ADAMTSL3: variants seen among roughly 807,000 people sequenced by gnomAD.
ADAMTSL3 encodes the protein ADAMTS-like protein 3.
ADAMTSL3 carries 128 observed loss-of-function variants against 201.7 expected under a neutral mutation model. That is an observed-to-expected ratio of 0.63 (90% CI 0.55 to 0.73). ADAMTSL3 has a LOEUF of 0.73. Among genes scored for constraint, ADAMTSL3 ranks in the 30% least tolerant of loss-of-function variants. ADAMTSL3 has a pLI of 0.00. For missense variants in ADAMTSL3, 1,990 were observed against 2,119.6 expected, an observed-to-expected ratio of 0.94 and a Z score of 1.20; for synonymous variants, 738 against 748.4, an observed-to-expected ratio of 0.99 and a Z score of 0.23.
intron 3 of ADAMTSL3, among the ~76,000 whole-genome samples, chr15:83,716,173 T>C (rs985641654): frequency 6.6e-6 from 1 of 152,142 alleles, no homozygotes; most frequent in African/African-American, 2.4e-5. Context: ...GAAATTCTAA[T>C]TAAATTTTTA....
At chr15:83,809,049 T>A (rs887336646) in intron 5 of ADAMTSL3, among the ~76,000 whole-genome samples, 9 of 151,786 alleles carry the variant, frequency 5.9e-5, no homozygotes, top group Admixed American at 5.9e-4. Context: ...GAAGGAAGGA[T>A]GATTTTTGGT....
At chr15:83,772,580 T>A (rs1452610282) in intron 3 of ADAMTSL3, among the ~76,000 whole-genome samples, 2 of 152,244 alleles carry the variant, frequency 1.3e-5, no homozygotes, top group Non-Finnish European at 2.9e-5. Flanking sequence ...TATGTTCATA[T>A]GACTTTGTTT....
chr15:83,660,693 A>G (rs573996783), intron 2 of ADAMTSL3, among the ~76,000 whole-genome samples: 15 of 152,306 alleles, frequency 9.8e-5, no homozygotes, highest in African/African-American at 3.6e-4. Context: ...TTGGTTATTA[A>G]AAGTTCAGTT....
intron 27 of ADAMTSL3, among the ~76,000 whole-genome samples, chr15:84,026,837 G>A (rs936345849): frequency 2.3e-4 from 35 of 152,176 alleles, no homozygotes; most frequent in African/African-American, 7.9e-4. Flanking sequence ...AAAAATATAG[G>A]TGTAAATTTT....
At position 83,905,299 on chromosome 15, in the gene ADAMTSL3, G is replaced by A. The variant is rs957882703; in HGVS notation, c.1700+5568G>A. 3.3e-5 allele frequency among the ~76,000 whole-genome samples: 5 copies of A among 152,214 alleles called. No individual in the cohort carries two copies. The East Asian group carries it at 9.6e-4, about 29-fold the overall frequency. On this transcript the variant is annotated intron_variant, in intron 15 of 29. Coordinates refer to ENST00000286744, the MANE Select transcript of ADAMTSL3 (RefSeq NM_207517.3). The stretch of plus-strand genomic sequence containing the variant: ...ATAATTACGTTATGGTGTTATTCGG[G>A]ATCAGGGATGGTTTCCGGAAATAGA...
At chr15:83,690,520 A>G (rs1006287767) in intron 2 of ADAMTSL3, among the ~76,000 whole-genome samples, 8 of 152,040 alleles carry the variant, frequency 5.3e-5, no homozygotes, top group Admixed American at 2.0e-4. Flanking sequence ...GCTAATTCCT[A>G]CTTGTTCTTT....
At chr15:83,885,051 A>G (rs780196438) in intron 9 of ADAMTSL3, 50 bp from the exon 10 acceptor site, 24 of 1,243,866 alleles carry the variant, frequency 1.9e-5, no homozygotes, top group Admixed American at 3.8e-5. Context: ...AGGTGTGGAA[A>G]GCACTAGCTC....
intron 23 of ADAMTSL3, among the ~76,000 whole-genome samples, chr15:84,009,925 C>A (rs117348941): frequency 1.3e-5 from 2 of 152,188 alleles, no homozygotes; most frequent in African/African-American, 4.8e-5. Flanking sequence ...AGCTTCTTAC[C>A]GTGGAGGAAT....
intron 3 of ADAMTSL3, among the ~76,000 whole-genome samples, chr15:83,759,155 G>C (rs2062767503): frequency 6.6e-6 from 1 of 151,848 alleles, no homozygotes; most frequent in South Asian, 2.1e-4. Flanking sequence ...AAAGTTAAGA[G>C]ACTAGTATAA....
At chr15:83,871,206 A>G (rs932731308) in intron 9 of ADAMTSL3, among the ~76,000 whole-genome samples, 1 of 152,204 alleles carries the variant, frequency 6.6e-6, no homozygotes, top group African/African-American at 2.4e-5. Context: ...CTGTATTTAT[A>G]ATCTCTGGTT....
intron 2 of ADAMTSL3, among the ~76,000 whole-genome samples, chr15:83,661,116 G>A (rs1424662743): frequency 6.9e-6 from 1 of 145,810 alleles, no homozygotes; most frequent in Admixed American, 6.9e-5. Context: ...ATTTCTGAGG[G>A]CTCTGTTCTG....
At chr15:83,943,666 C>G (rs1238910525) in intron 19 of ADAMTSL3, among the ~76,000 whole-genome samples, 1 of 152,220 alleles carries the variant, frequency 6.6e-6, no homozygotes. Flanking sequence ...GCTGCCTAAG[C>G]TCCACAGCTG....
At chr15:83,912,776 A>G (rs1048665109) in intron 15 of ADAMTSL3, among the ~76,000 whole-genome samples, 3 of 152,220 alleles carry the variant, frequency 2.0e-5, no homozygotes, top group African/African-American at 7.2e-5. Flanking sequence ...TGATCTCCAT[A>G]TGATGGTTTA....
rs369910367 is a variant in ADAMTSL3 at position 84,036,759 on chromosome 15, A to C, written c.4755-14A>C. The C allele has an allele frequency of 2.5e-5, 40 of 1,587,630 alleles. No individual in the cohort carries two copies. In the African/African-American group the frequency reaches 4.1e-4, roughly 16 times the overall value. ...ATTTTTTGTTTTTCCGTTTTGTTTT[A>C]TTTTTCACTTCAGACCCACCTTAAG... is the stretch of plus-strand genomic sequence containing the variant. On this transcript the variant is annotated splice_polypyrimidine_tract_variant and intron_variant, in intron 28 of 29. Coordinates refer to ENST00000286744, the MANE Select transcript of ADAMTSL3 (RefSeq NM_207517.3).
intron 2 of ADAMTSL3, among the ~76,000 whole-genome samples, chr15:83,687,507 C>T (rs2061554015): frequency 6.6e-6 from 1 of 152,108 alleles, no homozygotes; most frequent in Non-Finnish European, 1.5e-5. Flanking sequence ...AAGGTGGGAT[C>T]AGTATATCTT....
intron 6 of ADAMTSL3, among the ~76,000 whole-genome samples, chr15:83,827,016 G>A (rs1264901460): frequency 1.3e-5 from 2 of 152,080 alleles, no homozygotes; most frequent in African/African-American, 2.4e-5. Flanking sequence ...AATCCTTTGG[G>A]TATATACCCA....
intron 8 of ADAMTSL3, among the ~76,000 whole-genome samples, chr15:83,866,528 G>A (rs1021540820): frequency 1.6e-4 from 24 of 151,822 alleles, no homozygotes; most frequent in African/African-American, 5.8e-4. Context: ...CAAACACTGT[G>A]TGTTCTCACT....
At chr15:83,782,711 G>A (rs1752159855) in intron 4 of ADAMTSL3, among the ~76,000 whole-genome samples, 1 of 151,948 alleles carries the variant, frequency 6.6e-6, no homozygotes, top group Admixed American at 6.6e-5. Context: ...AACATTCACT[G>A]GGACATATTG....
At chr15:83,656,288 T>C (rs943849974) in intron 2 of ADAMTSL3, among the ~76,000 whole-genome samples, 2 of 152,230 alleles carry the variant, frequency 1.3e-5, no homozygotes, top group African/African-American at 4.8e-5. Context: ...ACTTCTGCTG[T>C]CTTTTCCAAC....
Sources: gnomAD v4.1 joint callset for allele counts (sites outside exome capture counted in the v4.1 genomes callset) on GRCh38, gnomAD v4.1.1 for gene constraint, MANE v1.5 for transcripts, NCBI Gene and HGNC (gene_info 2026-07-23, HGNC 2026-07-21) for gene names.